Variants in TMEFF2 observed in about 807,000 individuals in gnomAD.
The protein encoded by TMEFF2 is transmembrane protein with EGF like and two follistatin like domains 2, also known as tomoregulin-2.
Under a neutral mutation model 53.8 loss-of-function variants are expected in TMEFF2, and 28 were observed. The observed-to-expected ratio is 0.52, with a 90% CI of 0.39 to 0.71. TMEFF2 has a LOEUF of 0.71. Among genes scored for constraint, TMEFF2 ranks in the 30% least tolerant of loss-of-function variants. The probability of loss-of-function intolerance (pLI) is 0.00; values close to 1 mark genes in which losing one functional copy is unlikely to be tolerated. For missense variants in TMEFF2, 353 were observed against 455.2 expected (o/e 0.78, Z 2.04); for synonymous variants, 162 against 166.3 (o/e 0.97, Z 0.20).
At chr2:192,044,631 T>G (rs1687569147) in intron 5 of TMEFF2, 1 of 152,296 alleles carries the variant, frequency 6.6e-6, no homozygotes, top group Admixed American at 6.6e-5. Flanking sequence ...GGCCTTATGA[T>G]CCGGTAGATC....
chr2:192,107,983 C>T (rs907093702), intron 4 of TMEFF2, among the ~76,000 whole-genome samples: 1 of 151,314 alleles, frequency 6.6e-6, no homozygotes, highest in East Asian at 1.9e-4. Flanking sequence ...TAATTTCTGT[C>T]ATAACTTCAT....
At chr2:192,091,492 ATTTAC>A (rs1688789249) in intron 4 of TMEFF2, among the ~76,000 whole-genome samples, 1 of 152,154 alleles carries the variant, frequency 6.6e-6, no homozygotes. Context: ...GAAAAACAAT[ATTTAC>A]TTCCTTTGCT....
At position 192,065,644 on chromosome 2, in the gene TMEFF2, C is replaced by CT. The variant is rs924480829; in HGVS notation, c.440-7870dup. 3.3e-5 allele frequency among the ~76,000 whole-genome samples: 5 copies of CT among 151,538 alleles called. No individual in the cohort carries two copies. The East Asian group carries it at 5.8e-4, about 18-fold the overall frequency. The stretch of plus-strand genomic sequence containing the variant: ...ACAAAATAGTTCTTGATAGGCTTAT[C>CT]TTTTTTTACTTTATTTACATAAATA... On this transcript the variant is annotated intron_variant, in intron 4 of 9. Coordinates refer to ENST00000272771, the MANE Select transcript of TMEFF2 (RefSeq NM_016192.4).
intron 7 of TMEFF2, among the ~76,000 whole-genome samples, chr2:191,959,685 ATGT>A (rs1692215428): frequency 6.6e-6 from 1 of 152,208 alleles, no homozygotes; most frequent in African/African-American, 2.4e-5. Context: ...TGAAAATAAG[ATGT>A]TGTTTAGATA....
intron 5 of TMEFF2, among the ~76,000 whole-genome samples, chr2:192,040,897 G>T (rs768730434): frequency 1.3e-5 from 2 of 152,120 alleles, no homozygotes; most frequent in Non-Finnish European, 1.5e-5. Context: ...TCAACAAATG[G>T]TGTAGAAACA....
At chr2:192,024,699 T>TTAA (rs1686930038) in intron 5 of TMEFF2, among the ~76,000 whole-genome samples, 1 of 152,248 alleles carries the variant, frequency 6.6e-6, no homozygotes, top group Admixed American at 6.5e-5. Flanking sequence ...TTTTACTTTT[T>TTAA]TAAGCACTTT....
chr2:192,003,903 G>A (rs1481366574), intron 5 of TMEFF2, among the ~76,000 whole-genome samples: 1 of 122,902 alleles, frequency 8.1e-6, no homozygotes, highest in African/African-American at 2.9e-5. Context: ...GTGTTTATAT[G>A]AGTGAAAAAA....
In TMEFF2 at chr2:192,185,692, T is replaced by C. The variant is rs1344030491; in HGVS notation, c.283-1209A>G. 9.9e-5 allele frequency among the ~76,000 whole-genome samples: 15 copies of C among 152,160 alleles called. 1 individual carries two copies. In the South Asian group the frequency reaches 3.1e-3, roughly 32 times the overall value. ...CTCAACATGTTGATAATCTGATTGA[T>C]TAAAACCTGAAATTTATTATTTTAC... is the stretch of plus-strand genomic sequence containing the variant. On this transcript the variant is annotated intron_variant, in intron 2 of 9. Coordinates refer to ENST00000272771, the MANE Select transcript of TMEFF2 (RefSeq NM_016192.4).
rs947592318 is a variant in TMEFF2, at chr2:191,996,482, T to C, written c.745+1780A>G. Among the ~76,000 whole-genome samples the C allele has an allele frequency of 2.6e-5, 4 of 152,026 alleles. No individual in the cohort carries two copies. In the South Asian group the frequency reaches 6.2e-4, roughly 24 times the overall value. ...AAATATAATAATTGTTTATAAAATA[T>C]ATACAATTTAAATTTGTTTTCATTT... is the stretch of plus-strand genomic sequence containing the variant. On this transcript the variant is annotated intron_variant, in intron 7 of 9. Coordinates refer to ENST00000272771, the MANE Select transcript of TMEFF2 (RefSeq NM_016192.4).
intron 4 of TMEFF2, among the ~76,000 whole-genome samples, chr2:192,119,378 A>G (rs1349595453): frequency 6.6e-6 from 1 of 152,172 alleles, no homozygotes; most frequent in African/African-American, 2.4e-5. Flanking sequence ...TGTTTCTTAC[A>G]TCTTTGAATA....
chr2:192,185,490 T>A (rs950777601), intron 2 of TMEFF2, among the ~76,000 whole-genome samples: 8 of 152,128 alleles, frequency 5.3e-5, no homozygotes, highest in African/African-American at 1.9e-4. Flanking sequence ...AAAAACTCTA[T>A]GTTTTACTTT....
At position 192,053,817 on chromosome 2, in the gene TMEFF2, C is replaced by A. The variant is rs920151145; in HGVS notation, c.536+3862G>T. Among the ~76,000 whole-genome samples the A allele has an allele frequency of 2.0e-5, 3 of 152,234 alleles. No homozygotes were observed. In the South Asian group the frequency reaches 6.2e-4, roughly 32 times the overall value. Reference sequence around the variant, plus strand: ...ACTTTACAGCCTCTTTCATTCTATGCCTATTTAATTTCACTCATTGCTTTA... The same window carrying A: ...ACTTTACAGCCTCTTTCATTCTATGACTATTTAATTTCACTCATTGCTTTA... On this transcript the variant is annotated intron_variant, in intron 5 of 9. Transcript: ENST00000272771.
chr2:192,169,840 T>G lies in TMEFF2; in HGVS notation c.439+9828A>C, dbSNP rs141751760. Among the ~76,000 whole-genome samples, 625 of 152,098 alleles carry G rather than the reference T, an allele frequency of 4.1e-3. 6 individuals carry two copies. Among genetic ancestry groups the G allele is most frequent in the African/African-American group, 0.013 (556 of 41,528 alleles). ...CAAAGCAGTTCTGGCATAAGGGAGC[T>G]CTCTCTTACTGAAAGGCCAAGGGAG... On this transcript the variant is annotated intron_variant, in intron 4 of 9. Coordinates refer to ENST00000272771, the MANE Select transcript of TMEFF2 (RefSeq NM_016192.4).
chr2:192,004,810 A>T lies in TMEFF2; in HGVS notation c.537-5602T>A, dbSNP rs1574284543. On this transcript the variant is annotated intron_variant, in intron 5 of 9. Coordinates refer to ENST00000272771, the MANE Select transcript of TMEFF2 (RefSeq NM_016192.4). The stretch of plus-strand genomic sequence containing the variant: ...ACTATCCCTTCACTGCTTTTGGCAA[A>T]TAATTGCATTATTATTCATTCTGAG... Among the ~76,000 whole-genome samples the T allele has an allele frequency of 2.6e-5, 4 of 152,324 alleles. No individual in the cohort carries two copies. The South Asian group carries it at 8.3e-4, about 32-fold the overall frequency.
intron 4 of TMEFF2, among the ~76,000 whole-genome samples, chr2:192,168,862 A>G (rs1311245638): frequency 6.6e-6 from 1 of 151,838 alleles, no homozygotes; most frequent in Non-Finnish European, 1.5e-5. Context: ...TTTTATTTGG[A>G]GATGGGGTCT....
intron 4 of TMEFF2, among the ~76,000 whole-genome samples, chr2:192,146,291 A>AT (rs1326482905): frequency 1.3e-5 from 2 of 152,022 alleles, no homozygotes; most frequent in Admixed American, 6.6e-5. Context: ...TCCAGGTTTG[A>AT]TTTTTAAAGA....
In TMEFF2 at chr2:191,954,672, A is replaced by T. The variant is rs191653238; in HGVS notation, c.870-835T>A. Among the ~76,000 whole-genome samples, 149 of 152,224 alleles carry T rather than the reference A, an allele frequency of 9.8e-4. No individual in the cohort carries two copies. In the East Asian group the frequency reaches 0.027, roughly 27 times the overall value. On this transcript the variant is annotated intron_variant, in intron 8 of 9. Transcript: ENST00000272771. ...AGTCATTAATTTTCTGGTCAAAAAA[A>T]TCATCTGCTGATGATAGAGTCAAAT...
At chr2:192,057,907 C>A in intron 4 of TMEFF2, 132 bp from the exon 5 acceptor site, 4 of 667,228 alleles carry the variant, frequency 6.0e-6, no homozygotes, top group African/African-American at 1.8e-5. Flanking sequence ...ATAAGAATGT[C>A]AAAAGCAACT....
At chr2:192,068,866 T>G (rs1046102760) in intron 4 of TMEFF2, among the ~76,000 whole-genome samples, 17 of 151,668 alleles carry the variant, frequency 1.1e-4, no homozygotes, top group Non-Finnish European at 1.8e-4. Context: ...AAAAAGCCAA[T>G]TTTAAGAGGT....
Sources: gnomAD v4.1 joint callset for allele counts (sites outside exome capture counted in the v4.1 genomes callset) on GRCh38, gnomAD v4.1.1 for gene constraint, MANE v1.5 for transcripts, NCBI Gene and HGNC (gene_info 2026-07-23, HGNC 2026-07-21) for gene names.